MELK: variants seen among roughly 807,000 people sequenced by gnomAD.
MELK encodes the protein pEg3 kinase.
In MELK, 81 loss-of-function variants were observed where a neutral mutation model predicts 85.0. The ratio of observed to expected loss-of-function variants is 0.95; its 90% confidence interval spans 0.80 to 1.15. MELK has a LOEUF of 1.15. Among genes scored for constraint, MELK ranks in the 50% most tolerant of loss-of-function variants. The pLI is 0.00. For synonymous variants in MELK, 252 were observed against 265.0 expected, an observed-to-expected ratio of 0.95 and a Z score of 0.48; for missense variants, 754 against 777.5, an observed-to-expected ratio of 0.97 and a Z score of 0.36.
Position 36,635,882 on chromosome 9 carries a change from C to T in MELK, c.834+2682C>T, listed in dbSNP as rs1377703346. On this transcript the variant is annotated intron_variant, in intron 10 of 17. Transcript: ENST00000298048. Reference sequence around the variant, plus strand: ...CGCAGTCTCAGCTCACCACAACCTCCGCCTCCTGGGTTCAAGTGATTCTCT... The same window carrying T: ...CGCAGTCTCAGCTCACCACAACCTCTGCCTCCTGGGTTCAAGTGATTCTCT... 3.3e-5 allele frequency among the ~76,000 whole-genome samples: 5 copies of T among 151,478 alleles called. No individual in the cohort carries two copies. In the East Asian group the frequency reaches 5.9e-4, roughly 18 times the overall value.
intron 10 of MELK, among the ~76,000 whole-genome samples, chr9:36,641,712 A>G (rs1201274863): frequency 6.7e-6 from 1 of 149,450 alleles, no homozygotes; most frequent in Non-Finnish European, 1.5e-5. Context: ...TGTTCAAGCG[A>G]TTCTCCTGCC....
At chr9:36,653,496 T>G (rs2137316312) in intron 12 of MELK, among the ~76,000 whole-genome samples, 1 of 152,330 alleles carries the variant, frequency 6.6e-6, no homozygotes, top group South Asian at 2.1e-4. Context: ...AGAGGCACCA[T>G]GTCATTCCTA....
intron 10 of MELK, among the ~76,000 whole-genome samples, chr9:36,636,142 A>G (rs149939199): frequency 3.9e-4 from 59 of 152,114 alleles, no homozygotes; most frequent in African/African-American, 1.3e-3. Flanking sequence ...GGATATTACT[A>G]TAGGACTTGG....
chr9:36,590,696 C>T (rs1275247197), intron 4 of MELK, among the ~76,000 whole-genome samples: 5 of 152,144 alleles, frequency 3.3e-5, no homozygotes, highest in African/African-American at 1.2e-4. Context: ...TATTATTCAA[C>T]TTCTTTAGTT....
intron 5 of MELK, among the ~76,000 whole-genome samples, chr9:36,596,662 C>T (rs557265767): frequency 1.3e-5 from 2 of 151,148 alleles, no homozygotes; most frequent in South Asian, 2.1e-4. Flanking sequence ...TCTCGGCTCA[C>T]CCCAACCCCC....
intron 8 of MELK, among the ~76,000 whole-genome samples, chr9:36,619,820 T>C (rs1235308304): frequency 6.6e-6 from 1 of 152,244 alleles, no homozygotes; most frequent in Non-Finnish European, 1.5e-5. Flanking sequence ...TCTGCTTTTT[T>C]CTCTACTTCC....
At chr9:36,652,297 T>C (rs1031040571) in intron 12 of MELK, among the ~76,000 whole-genome samples, 20 of 151,296 alleles carry the variant, frequency 1.3e-4, no homozygotes, top group African/African-American at 4.8e-4. Flanking sequence ...TCAGCCTGCC[T>C]CGGCCTCCCA....
At chr9:36,671,215 G>A (rs758261306) in intron 16 of MELK, 49 bp downstream of exon 16, 2 of 1,461,442 alleles carry the variant, frequency 1.4e-6, no homozygotes, top group Non-Finnish European at 1.8e-6. Flanking sequence ...GACTGCTAAT[G>A]GACTGCCTTT....
intron 4 of MELK, 145 bp from the exon 5 acceptor site, chr9:36,594,483 T>C: frequency 1.2e-6 from 1 of 807,956 alleles, no homozygotes; most frequent in Non-Finnish European, 1.9e-6. Flanking sequence ...CCTGAGAGTG[T>C]ACTTTTGAAT....
chr9:36,621,275 GAAAAAAAAAAAAAAAAAAAAAAAAAA>G (rs74181196), intron 8 of MELK, among the ~76,000 whole-genome samples: 677 of 32,450 alleles, frequency 0.021, 18 homozygotes, highest in Non-Finnish European at 0.032. Context: ...CTGTCTCAGG[GAAAAAAAAAAAAAAAAAAAAAAAAAA>G]AAAAAAAAAA....
intron 9 of MELK, among the ~76,000 whole-genome samples, chr9:36,632,208 T>G (rs934003690): frequency 2.0e-5 from 3 of 152,204 alleles, no homozygotes; most frequent in African/African-American, 7.2e-5. Flanking sequence ...ATGCTGATGC[T>G]GCAGGTCTTG....
At chr9:36,639,351 G>T (rs1419113334) in intron 10 of MELK, among the ~76,000 whole-genome samples, 3 of 152,014 alleles carry the variant, frequency 2.0e-5, no homozygotes, top group Non-Finnish European at 2.9e-5. Flanking sequence ...TTTCAGTGTT[G>T]TGTTTCATCA....
intron 11 of MELK, among the ~76,000 whole-genome samples, chr9:36,649,555 G>A (rs1284242721): frequency 1.3e-5 from 2 of 152,014 alleles, no homozygotes; most frequent in South Asian, 2.1e-4. Flanking sequence ...GATCATTTGA[G>A]ACCAGGAGTT....
At chr9:36,617,366 T>C (rs957953676) in intron 8 of MELK, among the ~76,000 whole-genome samples, 5 of 152,052 alleles carry the variant, frequency 3.3e-5, no homozygotes, top group Non-Finnish European at 7.4e-5. Flanking sequence ...AGGGTCTTGC[T>C]CTGTCACCCA....
chr9:36,624,063 T>C (rs1827695094), intron 8 of MELK, among the ~76,000 whole-genome samples: 1 of 151,754 alleles, frequency 6.6e-6, no homozygotes, highest in African/African-American at 2.4e-5. Context: ...TTCTATGCAG[T>C]AGGTATCGTT....
At chr9:36,642,747 AC>A (rs1188548462) in intron 10 of MELK, among the ~76,000 whole-genome samples, 6 of 152,094 alleles carry the variant, frequency 3.9e-5, no homozygotes, top group Non-Finnish European at 2.9e-5. Context: ...CCGAACTTTA[AC>A]AACAGTTGCT....
chr9:36,646,909 C>G lies in MELK; in HGVS notation c.921+3826C>G, dbSNP rs1201212586. ...TTTAGTTTTCTAGAAATGGAACTTTCTCACAGGTAACCCTATCACTTTACT... is the reference window on the plus strand; with the variant it reads ...TTTAGTTTTCTAGAAATGGAACTTTGTCACAGGTAACCCTATCACTTTACT... On this transcript the variant is annotated intron_variant, in intron 11 of 17. Coordinates refer to ENST00000298048, the MANE Select transcript of MELK (RefSeq NM_014791.4). Among the ~76,000 whole-genome samples, 4 of 152,226 alleles carry G rather than the reference C, an allele frequency of 2.6e-5. No homozygotes were observed. The East Asian group carries it at 7.7e-4, about 29-fold the overall frequency.
chr9:36,629,008 A>T (rs971696759), intron 8 of MELK, among the ~76,000 whole-genome samples: 8 of 151,864 alleles, frequency 5.3e-5, no homozygotes, highest in Admixed American at 2.0e-4. Context: ...GTGGGACTAC[A>T]GGTGCCCGCC....
chr9:36,579,736 G>A (rs1822005737), intron 1 of MELK, among the ~76,000 whole-genome samples: 1 of 152,184 alleles, frequency 6.6e-6, no homozygotes, highest in African/African-American at 2.4e-5. Flanking sequence ...AAGTAAGATG[G>A]AGATGGTATG....
Sources: allele counts gnomAD v4.1 joint callset (sites outside exome capture counted in the v4.1 genomes callset), GRCh38; gene constraint gnomAD v4.1.1; transcripts MANE v1.5; gene names NCBI Gene and HGNC (gene_info 2026-07-23, HGNC 2026-07-21).